The following FSTL4 variants were observed in gnomAD, a reference collection of about 807,000 sequenced individuals.
FSTL4 encodes follistatin-related protein 4.
A neutral mutation model predicts 78.2 loss-of-function variants in FSTL4; 28 were observed. The ratio of observed to expected loss-of-function variants is 0.36; its 90% CI spans 0.27 to 0.49. The LOEUF (loss-of-function observed/expected upper bound fraction) is 0.49, where lower values mean the gene tolerates loss of function less well. Among genes scored for constraint, FSTL4 ranks in the 20% least tolerant of loss-of-function variants. The pLI, the probability that FSTL4 is intolerant of heterozygous loss-of-function variation, is 0.98. For synonymous variants in FSTL4, 422 were observed against 440.5 expected (o/e 0.96, Z 0.53); for missense variants, 922 against 1,084.9 (o/e 0.85, Z 2.11).
At chr5:133,321,777 G>A (rs1754060034) in intron 4 of FSTL4, among the ~76,000 whole-genome samples, 1 of 152,174 alleles carries the variant, frequency 6.6e-6, no homozygotes, top group Non-Finnish European at 1.5e-5. Flanking sequence ...TTAATCCGGA[G>A]GCATGACTCT....
chr5:133,466,897 TGTGTGTGTGTGTAAGTGTGAGA>T (rs1233594678), intron 3 of FSTL4, among the ~76,000 whole-genome samples: 3 of 151,162 alleles, frequency 2.0e-5, no homozygotes, highest in Non-Finnish European at 3.0e-5. Flanking sequence ...TCAGTGTGAG[TGTGTGTGTGTGTAAGTGTGAGA>T]GTGTGTGTGA....
rs149080533 is a variant in FSTL4 at position 133,261,485 on chromosome 5, T to G, written c.728-11909A>C. Among the ~76,000 whole-genome samples, 28 of 152,314 alleles carry G rather than the reference T, an allele frequency of 1.8e-4. No individual in the cohort carries two copies. The East Asian group carries it at 5.2e-3, about 28-fold the overall frequency. On this transcript the variant is annotated intron_variant, in intron 6 of 15. Transcript: ENST00000265342. ...TCCCAGCCATGATGGGATAAAAGGTTGGACACGCCTTGTTATATCCACTCC... is the reference window on the plus strand; with the variant it reads ...TCCCAGCCATGATGGGATAAAAGGTGGGACACGCCTTGTTATATCCACTCC...
At chr5:133,377,601 T>C (rs761298145) in intron 4 of FSTL4, among the ~76,000 whole-genome samples, 1 of 151,268 alleles carries the variant, frequency 6.6e-6, no homozygotes. Context: ...ACAGCTAGTT[T>C]ACTAGGGAAG....
chr5:133,537,125 T>C (rs1759365515), intron 3 of FSTL4, among the ~76,000 whole-genome samples: 1 of 152,242 alleles, frequency 6.6e-6, no homozygotes, highest in East Asian at 1.9e-4. Context: ...GCCATCATTA[T>C]TTCTGGTCCT....
chr5:133,428,276 G>A (rs1032728681), intron 3 of FSTL4, among the ~76,000 whole-genome samples: 7 of 152,100 alleles, frequency 4.6e-5, no homozygotes, highest in Non-Finnish European at 7.4e-5. Context: ...TCTGTCATAC[G>A]CATCATGGCA....
intron 3 of FSTL4, among the ~76,000 whole-genome samples, chr5:133,534,268 T>C (rs993734895): frequency 7.2e-4 from 110 of 152,304 alleles, no homozygotes; most frequent in African/African-American, 2.6e-3. Flanking sequence ...TATTTTTCTG[T>C]CACTTGAGTT....
At chr5:133,713,942 C>G in the FSTL4 span, among the ~76,000 whole-genome samples, 1 of 152,168 alleles carries the variant, frequency 6.6e-6, no homozygotes, top group African/African-American at 2.4e-5. Context: ...GGACGCTGAA[C>G]CCTTCTTACA....
At chr5:133,494,641 C>T (rs1758334123) in intron 3 of FSTL4, among the ~76,000 whole-genome samples, 1 of 152,190 alleles carries the variant, frequency 6.6e-6, no homozygotes, top group South Asian at 2.1e-4. Context: ...AGGTTTTGAT[C>T]AACTTAGTCT....
chr5:133,525,280 G>T (rs1321885822), intron 3 of FSTL4, among the ~76,000 whole-genome samples: 1 of 152,206 alleles, frequency 6.6e-6, no homozygotes, highest in Non-Finnish European at 1.5e-5. Flanking sequence ...ATGAGGGCTG[G>T]GTTGTTTCCC....
chr5:133,316,447 C>T lies in FSTL4; in HGVS notation c.603+12G>A. 1 of 1,607,134 alleles carries T rather than the reference C, an allele frequency of 6.2e-7. No individual in the cohort carries two copies. The highest frequency in any genetic ancestry group is 8.5e-7 in the Non-Finnish European group (1 of 1,174,900). On this transcript the variant is annotated intron_variant, in intron 5 of 15. Transcript: ENST00000265342. ...CCTCCATCATGTGACTTTCACTGAA[C>T]ACGATGCCCACCTGAGCCAGTTCGG... is the stretch of plus-strand genomic sequence containing the variant.
chr5:133,715,251 A>G, the FSTL4 span, among the ~76,000 whole-genome samples: 5 of 152,248 alleles, frequency 3.3e-5, no homozygotes, highest in African/African-American at 1.2e-4. Flanking sequence ...AAACTCACAC[A>G]TATACAGGGA....
intron 4 of FSTL4, among the ~76,000 whole-genome samples, chr5:133,363,553 T>C (rs887161065): frequency 6.6e-6 from 1 of 152,184 alleles, no homozygotes; most frequent in Non-Finnish European, 1.5e-5. Context: ...CCAGCCGCAA[T>C]GTAGGTCTAA....
chr5:133,663,544 G>A, the FSTL4 span, among the ~76,000 whole-genome samples: 1 of 152,198 alleles, frequency 6.6e-6, no homozygotes, highest in African/African-American at 2.4e-5. Context: ...GCCTCTTCAC[G>A]TGCCTCATCT....
rs773220345 is a variant in FSTL4, at chr5:133,199,469, G to T, written c.2155C>A (p.Arg719=). 6.2e-7 allele frequency: 1 copy of T among 1,614,184 alleles called. No homozygotes were observed. The change falls in exon 16 of 16, where the codon CGG becomes AGG. Residue 719 remains arginine (R), a synonymous_variant. Transcript: ENST00000265342. This position sits in a 1 kb window ranked among gnomAD's most constrained non-coding sequence, Gnocchi z 4.4. The part of the protein sequence containing the change: ...PWLHVQEITV[R]GEIQTLYDLQ... ...TCATACAGGGTCTGGATCTCGCCCC[G>T]CACTGTGATCTCCTGCACGTGCAGC...
intron 4 of FSTL4, among the ~76,000 whole-genome samples, chr5:133,381,818 C>T (rs933688647): frequency 2.6e-5 from 4 of 152,212 alleles, no homozygotes; most frequent in African/African-American, 4.8e-5. Flanking sequence ...TGTGTTCAAG[C>T]GTTCCTATGA....
the FSTL4 span, among the ~76,000 whole-genome samples, chr5:133,730,208 C>T: frequency 1.3e-5 from 2 of 152,196 alleles, no homozygotes; most frequent in East Asian, 3.8e-4. Flanking sequence ...CTGTGCCATT[C>T]CTTATCTCTA....
intron 6 of FSTL4, among the ~76,000 whole-genome samples, chr5:133,307,895 C>A (rs1753691412): frequency 6.6e-6 from 1 of 152,024 alleles, no homozygotes; most frequent in Non-Finnish European, 1.5e-5. Flanking sequence ...ATTCTCCTGC[C>A]TCAGCCTCCC....
chr5:133,387,311 C>T (rs889617187), intron 4 of FSTL4, among the ~76,000 whole-genome samples: 1 of 152,200 alleles, frequency 6.6e-6, no homozygotes, highest in Non-Finnish European at 1.5e-5. Context: ...AGTTATCTGG[C>T]TTCTCTTTGC....
chr5:133,784,831 T>G, the FSTL4 span, among the ~76,000 whole-genome samples: 1 of 152,216 alleles, frequency 6.6e-6, no homozygotes, highest in Non-Finnish European at 1.5e-5. Flanking sequence ...TGTGTTTCTA[T>G]GAGTGGCTGT....
Sources: allele counts gnomAD v4.1 joint callset (sites outside exome capture counted in the v4.1 genomes callset), GRCh38; gene constraint gnomAD v4.1.1; non-coding constraint Gnocchi (gnomAD v3.1); transcripts MANE v1.5; gene names NCBI Gene and HGNC (gene_info 2026-07-23, HGNC 2026-07-21).